KIAA0930: variants seen among roughly 807,000 people sequenced by gnomAD.
KIAA0930 encodes KIAA0930, also known as uncharacterized protein KIAA0930.
Under a neutral mutation model 43.9 loss-of-function variants are expected in KIAA0930, and 24 were observed. That is an observed-to-expected ratio of 0.55 (90% CI 0.40 to 0.77). The LOEUF (loss-of-function observed/expected upper bound fraction) is 0.77, where lower values mean the gene tolerates loss of function less well. Ranked by LOEUF, KIAA0930 falls within the 30% of genes least tolerant of loss-of-function variation. The pLI is 0.00. For synonymous variants in KIAA0930, 259 were observed against 216.4 expected, an observed-to-expected ratio of 1.20 and a Z score of -1.73; for missense variants, 461 against 574.2, an observed-to-expected ratio of 0.80 and a Z score of 2.02.
At chr22:45,210,417 C>T (rs2083682249) in intron 2 of KIAA0930, among the ~76,000 whole-genome samples, 1 of 152,144 alleles carries the variant, frequency 6.6e-6, no homozygotes, top group South Asian at 2.1e-4. Context: ...CAGTGAGGAT[C>T]CTGAGGCACC....
chr22:45,192,369 G>T lies in KIAA0930; in HGVS notation c.*4807C>A, dbSNP rs1037776280. 1 of 152,200 alleles carries T rather than the reference G, an allele frequency of 6.6e-6. No homozygotes were observed. The highest frequency in any genetic ancestry group is 1.5e-5 in the Non-Finnish European group (1 of 68,044). 9.4% of individuals were successfully genotyped at this position (152,200 alleles called of 1,614,324 possible). ...GCAATGATTTCCACTGGATGTGGAAGAGGGTTAATAAAGACGCTGTTGGTA... is the reference window on the plus strand; with the variant it reads ...GCAATGATTTCCACTGGATGTGGAATAGGGTTAATAAAGACGCTGTTGGTA... On this transcript the variant is annotated 3_prime_UTR_variant, in exon 10 of 10. Transcript: ENST00000336156.
intron 2 of KIAA0930, among the ~76,000 whole-genome samples, chr22:45,209,276 C>T (rs909493): frequency 3.9e-5 from 6 of 151,972 alleles, no homozygotes; most frequent in African/African-American, 1.5e-4. Context: ...GCGCAGGCGA[C>T]TCCGCGGGTC....
At chr22:45,224,370 T>G (rs1162050947) in intron 1 of KIAA0930, among the ~76,000 whole-genome samples, 1 of 152,188 alleles carries the variant, frequency 6.6e-6, no homozygotes, top group Non-Finnish European at 1.5e-5. Context: ...ACAAATACTC[T>G]GCGGCATGTT....
intron 1 of KIAA0930, among the ~76,000 whole-genome samples, chr22:45,233,164 G>A (rs886441348): frequency 6.6e-6 from 1 of 152,056 alleles, no homozygotes; most frequent in African/African-American, 2.4e-5. Context: ...AACTCAGGCT[G>A]ACACACCCAG....
chr22:45,235,566 C>T (rs1012394960), intron 1 of KIAA0930, among the ~76,000 whole-genome samples: 6 of 105,064 alleles, frequency 5.7e-5, no homozygotes, highest in African/African-American at 1.7e-4. Context: ...GCAGGGAGAG[C>T]TTCCGCATTG....
At chr22:45,198,241 C>T (rs1022911279) in intron 8 of KIAA0930, among the ~76,000 whole-genome samples, 1 of 152,238 alleles carries the variant, frequency 6.6e-6, no homozygotes, top group African/African-American at 2.4e-5. Flanking sequence ...GGTTCTGGCA[C>T]ACACACTGTG....
chr22:45,238,875 G>GCGCT (rs2083901739), intron 1 of KIAA0930, among the ~76,000 whole-genome samples: 1 of 145,408 alleles, frequency 6.9e-6, no homozygotes, highest in African/African-American at 2.6e-5. Flanking sequence ...CCCTGGGCAG[G>GCGCT]CTCTCTCTCT....
intron 1 of KIAA0930, among the ~76,000 whole-genome samples, chr22:45,239,105 G>T (rs938438253): frequency 4.6e-5 from 7 of 152,210 alleles, no homozygotes; most frequent in African/African-American, 1.7e-4. Flanking sequence ...CCTAGAAGAG[G>T]AGAGAAGGTG....
intron 1 of KIAA0930, among the ~76,000 whole-genome samples, chr22:45,240,168 G>A (rs757068052): frequency 1.2e-4 from 18 of 152,350 alleles, no homozygotes; most frequent in Non-Finnish European, 2.1e-4. Flanking sequence ...GCTTCGGGTA[G>A]CAGGAGACAG....
intron 8 of KIAA0930, among the ~76,000 whole-genome samples, chr22:45,198,815 A>C (rs1344209220): frequency 6.6e-6 from 1 of 152,026 alleles, no homozygotes; most frequent in Non-Finnish European, 1.5e-5. Flanking sequence ...ATGCCCGGCT[A>C]ATTTTTTGTA....
At chr22:45,216,063 G>C (rs1240448659) in intron 1 of KIAA0930, among the ~76,000 whole-genome samples, 3 of 152,078 alleles carry the variant, frequency 2.0e-5, no homozygotes, top group African/African-American at 7.2e-5. Flanking sequence ...AGGGAGAGTG[G>C]AGAGAAAAGA....
intron 1 of KIAA0930, among the ~76,000 whole-genome samples, chr22:45,239,380 A>C (rs192902102): frequency 6.6e-6 from 1 of 152,254 alleles, no homozygotes; most frequent in Non-Finnish European, 1.5e-5. Context: ...CTTTTCAGAA[A>C]GAAACCATTG....
intron 1 of KIAA0930, chr22:45,226,076 A>G (rs2083798050): frequency 2.8e-6 from 1 of 356,094 alleles, no homozygotes; most frequent in Non-Finnish European, 5.8e-6. Context: ...AGAGCCAGTG[A>G]ACGACAAGAA....
chr22:45,200,604 A>G (rs184006208), intron 7 of KIAA0930, among the ~76,000 whole-genome samples: 6 of 152,216 alleles, frequency 3.9e-5, no homozygotes, highest in African/African-American at 1.2e-4. Flanking sequence ...AGCACCCTTC[A>G]CAGGAAATAC....
rs928344343 is a variant in KIAA0930, at chr22:45,193,923, C to T, written c.*3253G>A. 3.3e-5 allele frequency: 5 copies of T among 151,936 alleles called. No homozygotes were observed. Among genetic ancestry groups the T allele is most frequent in the Non-Finnish European group, 7.4e-5 (5 of 68,002 alleles). The allele number at this position is 151,936 out of a possible 1,614,324, so 9.4% of individuals were successfully genotyped here. ...ATTCCTTTAAATGGAAAAGCCCACC[C>T]TACAACTTTCTTTTTAATGTTCTAA... On this transcript the variant is annotated 3_prime_UTR_variant, in exon 10 of 10. Transcript: ENST00000336156.
intron 6 of KIAA0930, 83 bp from the exon 7 acceptor site, chr22:45,203,267 G>T: frequency 2.1e-6 from 3 of 1,397,706 alleles, no homozygotes; most frequent in Non-Finnish European, 2.9e-6. Context: ...AACAGCCAGG[G>T]CGACCATCCC....
At chr22:45,239,331 A>C (rs2083904058) in intron 1 of KIAA0930, among the ~76,000 whole-genome samples, 1 of 152,252 alleles carries the variant, frequency 6.6e-6, no homozygotes, top group Non-Finnish European at 1.5e-5. Flanking sequence ...TGAATGAATA[A>C]GCACGCTCCA....
intron 1 of KIAA0930, chr22:45,212,431 C>T (rs951970232): frequency 8.3e-5 from 125 of 1,504,732 alleles, no homozygotes; most frequent in South Asian, 7.7e-4. Context: ...GAGCCAGGAA[C>T]GCCACTGGCT....
At position 45,211,980 on chromosome 22, in the gene KIAA0930, G is replaced by A. The variant is rs367667691; in HGVS notation, c.192C>T (p.Ser64=). 2.2e-5 allele frequency: 36 copies of A among 1,612,492 alleles called. 1 individual carries two copies. Among genetic ancestry groups the A allele is most frequent in the South Asian group, 3.3e-5 (3 of 91,084 alleles). Reference sequence around the variant, plus strand: ...CCTTCCTCCCGTCTGCACCGCTTTCGCTGCCGGAGTACGCCAGCTTCCGGC... The same window carrying A: ...CCTTCCTCCCGTCTGCACCGCTTTCACTGCCGGAGTACGCCAGCTTCCGGC... ...YVRRKLAYSG[S]ESGADGRKAA... is the part of the protein sequence containing the mutation. Residue 64 remains serine, a synonymous_variant, in exon 2 of 10, where the codon AGC becomes AGT. Transcript: ENST00000336156.
Sources: gnomAD v4.1 joint callset for allele counts (sites outside exome capture counted in the v4.1 genomes callset) on GRCh38, gnomAD v4.1.1 for gene constraint, MANE v1.5 for transcripts, NCBI Gene and HGNC (gene_info 2026-07-23, HGNC 2026-07-21) for gene names.